Variants in HDX observed in about 807,000 individuals in gnomAD.
HDX encodes highly divergent homeobox, also known as chromosome X open reading frame 43.
HDX carries 19 observed loss-of-function variants against 45.2 expected under a neutral mutation model. The observed-to-expected ratio is 0.42, with a 90% CI of 0.29 to 0.62. The LOEUF (loss-of-function observed/expected upper bound fraction) is 0.62. Ranked by LOEUF, HDX falls within the 20% of genes least tolerant of loss-of-function variation. The pLI is 0.20. For synonymous variants in HDX, 188 were observed against 172.8 expected, an observed-to-expected ratio of 1.09 and a Z score of -0.69; for missense variants, 532 against 493.9, an observed-to-expected ratio of 1.08 and a Z score of -0.73.
chrX:84,468,306 C>T (rs1352733426), intron 4 of HDX, among the ~76,000 whole-genome samples, 166 bp downstream of exon 4: 4 of 111,544 alleles, frequency 3.6e-5, no homozygotes, highest in African/African-American at 1.3e-4. Context: ...CATTTAAAAA[C>T]ATGAGAAACA....
chrX:84,391,601 C>T (rs933946862), intron 5 of HDX, among the ~76,000 whole-genome samples: 18 of 111,495 alleles, frequency 1.6e-4, no homozygotes, highest in Middle Eastern at 4.6e-3. Context: ...TCTGCATCCT[C>T]ACTAACATTT....
At chrX:84,436,274 G>T (rs1442060584) in intron 5 of HDX, among the ~76,000 whole-genome samples, 1 of 69,270 alleles carries the variant, frequency 1.4e-5, no homozygotes, top group African/African-American at 5.7e-5. Flanking sequence ...TCTGGGGACT[G>T]TGGTGGGGTG....
chrX:84,404,040 G>A (rs757955052), intron 5 of HDX: 4 of 110,919 alleles, frequency 3.6e-5, no homozygotes, highest in African/African-American at 1.3e-4. Flanking sequence ...AAGACAGGGA[G>A]GAAAAAACAA....
intron 6 of HDX, among the ~76,000 whole-genome samples, chrX:84,354,906 CAT>C (rs201172786): frequency 1.2e-4 from 10 of 83,139 alleles, no homozygotes; most frequent in African/African-American, 2.6e-4. Context: ...AATAAAGAGA[CAT>C]ATATATATAT....
intron 6 of HDX, among the ~76,000 whole-genome samples, chrX:84,353,128 C>A (rs865813054): frequency 2.7e-5 from 3 of 111,847 alleles, no homozygotes; most frequent in Non-Finnish European, 5.6e-5. Context: ...TAAATTAAAG[C>A]TAAAATATTT....
At position 84,429,135 on chromosome X, in the gene HDX, T is replaced by C. The variant is rs2039447897; in HGVS notation, c.1305+11397A>G. Among the ~76,000 whole-genome samples, 4 of 110,973 alleles carry C rather than the reference T, an allele frequency of 3.6e-5. No individual in the cohort carries two copies. The Admixed American group carries it at 3.9e-4, about 11-fold the overall frequency. On this transcript the variant is annotated intron_variant, in intron 5 of 10. Transcript: ENST00000373177. ...ATGAAGTGTTATCCTGTCAATTATA[T>C]GTTTTTTCAAAGTTGTTTTGGCTAT...
At chrX:84,375,500 G>A (rs149458104) in intron 5 of HDX, among the ~76,000 whole-genome samples, 16,764 of 111,407 alleles carry the variant, frequency 0.15, 1,156 homozygotes, top group Non-Finnish European at 0.21. Flanking sequence ...CAACCCAAAT[G>A]TCCAAAACGA....
chrX:84,319,280 G>A lies in HDX; in HGVS notation c.*2609C>T, dbSNP rs1305328401. Reference sequence around the variant, plus strand: ...TTAGTTAATTTTTATCCCCAGCCATGAAGATGTCCACAAGAGTAATTATAA... The same window carrying A: ...TTAGTTAATTTTTATCCCCAGCCATAAAGATGTCCACAAGAGTAATTATAA... On this transcript the variant is annotated 3_prime_UTR_variant, in exon 11 of 11. Transcript: ENST00000373177. 1 of 110,852 alleles carries A rather than the reference G, an allele frequency of 9.0e-6. No individual in the cohort carries two copies. The highest frequency in any genetic ancestry group is 3.3e-5 in the African/African-American group (1 of 30,678). 9.1% of individuals were successfully genotyped at this position (110,852 alleles called of 1,213,427 possible). A position where few individuals can be genotyped will look rare whatever the true frequency, so the allele number is the denominator to read the frequency against.
At chrX:84,480,349 TA>T (rs1294365531) in intron 2 of HDX, among the ~76,000 whole-genome samples, 13 of 111,557 alleles carry the variant, frequency 1.2e-4, no homozygotes, top group South Asian at 3.7e-4. Flanking sequence ...TATCTTGCCC[TA>T]ACTGGACTGG....
rs1392682130 is a variant in HDX, at chrX:84,319,583, G to A, written c.*2306C>T. 2 of 110,906 alleles carry A rather than the reference G, an allele frequency of 1.8e-5. No individual in the cohort carries two copies. The highest frequency in any genetic ancestry group is 3.3e-5 in the African/African-American group (1 of 30,681). The allele number at this position is 110,906 out of a possible 1,213,427, so 9.1% of individuals were successfully genotyped here. On this transcript the variant is annotated 3_prime_UTR_variant, in exon 11 of 11. Coordinates refer to ENST00000373177, the MANE Select transcript of HDX (RefSeq NM_001177479.2). Reference sequence around the variant, plus strand: ...TCTGGTGCTGAAACACAAATTTCAAGACAAAAGGAGTTCTAAATGTATTGT... The same window carrying A: ...TCTGGTGCTGAAACACAAATTTCAAAACAAAAGGAGTTCTAAATGTATTGT...
intron 6 of HDX, among the ~76,000 whole-genome samples, chrX:84,348,747 C>T (rs2037263051): frequency 9.0e-6 from 1 of 110,892 alleles, no homozygotes; most frequent in South Asian, 3.8e-4. Context: ...TTTTCCTCTA[C>T]CTTAGGTGGG....
rs140733695 is a variant in HDX at position 84,461,130 on chromosome X, G to A, written c.1251+7342C>T. Among the ~76,000 whole-genome samples, 1,061 of 110,749 alleles carry A rather than the reference G, an allele frequency of 9.6e-3. 17 individuals carry two copies. The highest frequency in any genetic ancestry group is 0.033 in the African/African-American group (1,014 of 30,491). On this transcript the variant is annotated intron_variant, in intron 4 of 10. Transcript: ENST00000373177. Reference sequence around the variant, plus strand: ...AATCTATAGATTCAATTCAATCCCCGTCAAAATACCAATGACATTCTTCAC... The same window carrying A: ...AATCTATAGATTCAATTCAATCCCCATCAAAATACCAATGACATTCTTCAC...
intron 5 of HDX, among the ~76,000 whole-genome samples, chrX:84,405,079 G>A (rs1422699480): frequency 9.0e-6 from 1 of 110,723 alleles, no homozygotes; most frequent in East Asian, 2.8e-4. Context: ...TGTGTATAGT[G>A]AATATTATTT....
At chrX:84,345,009 G>A (rs775059702) in intron 6 of HDX, among the ~76,000 whole-genome samples, 4 of 110,448 alleles carry the variant, frequency 3.6e-5, no homozygotes, top group Admixed American at 1.9e-4. Context: ...TTCCAATCTT[G>A]CTCTTCCTAT....
intron 5 of HDX, among the ~76,000 whole-genome samples, chrX:84,371,133 G>A (rs949093828): frequency 1.8e-5 from 2 of 111,761 alleles, no homozygotes; most frequent in African/African-American, 6.5e-5. Flanking sequence ...ACAAATAGAA[G>A]CTGAAAATTT....
chrX:84,401,216 A>G (rs1360436470), intron 5 of HDX, among the ~76,000 whole-genome samples: 1 of 112,227 alleles, frequency 8.9e-6, no homozygotes, highest in Non-Finnish European at 1.9e-5. Context: ...ATCTAATTAA[A>G]CTAAAGAGTT....
chrX:84,338,093 T>C (rs1358400770), intron 7 of HDX, among the ~76,000 whole-genome samples: 1 of 111,251 alleles, frequency 9.0e-6, no homozygotes, highest in Non-Finnish European at 1.9e-5. Flanking sequence ...AAAATATTTA[T>C]CAGCCCTCAC....
chrX:84,322,239 A>C (rs2036612141), intron 10 of HDX, among the ~76,000 whole-genome samples: 1 of 110,759 alleles, frequency 9.0e-6, no homozygotes, highest in Non-Finnish European at 1.9e-5. Context: ...GTAGAGTAGA[A>C]CCTGTACAAA....
chrX:84,479,792 G>T (rs2040637161), intron 2 of HDX, among the ~76,000 whole-genome samples: 1 of 110,808 alleles, frequency 9.0e-6, no homozygotes, highest in Non-Finnish European at 1.9e-5. Flanking sequence ...TTGTGGTTTT[G>T]TGTTTCTCTA....
Sources: gnomAD v4.1 joint callset for allele counts (sites outside exome capture counted in the v4.1 genomes callset) on GRCh38, gnomAD v4.1.1 for gene constraint, MANE v1.5 for transcripts, NCBI Gene and HGNC (gene_info 2026-07-23, HGNC 2026-07-21) for gene names.